Variants in SLC11A2 observed in about 807,000 individuals in gnomAD.
SLC11A2 encodes natural resistance-associated macrophage protein 2.
In SLC11A2, 38 loss-of-function variants were observed where a neutral mutation model predicts 68.0. The ratio of observed to expected loss-of-function variants is 0.56; its 90% CI spans 0.43 to 0.73. The LOEUF (loss-of-function observed/expected upper bound fraction) is 0.73, where lower values mean the gene tolerates loss of function less well. Ranked by LOEUF, SLC11A2 falls within the 30% of genes least tolerant of loss-of-function variation. The probability of loss-of-function intolerance (pLI) is 0.00; values close to 1 mark genes in which losing one functional copy is unlikely to be tolerated. For synonymous variants in SLC11A2, 242 were observed against 250.6 expected (o/e 0.97, Z 0.32); for missense variants, 517 against 690.5 (o/e 0.75, Z 2.82).
chr12:50,998,322 C>A (rs534324659), intron 8 of SLC11A2, among the ~76,000 whole-genome samples: 3 of 152,164 alleles, frequency 2.0e-5, no homozygotes, highest in Non-Finnish European at 4.4e-5. Flanking sequence ...ATCACACCCA[C>A]TGCACTCTAG....
chr12:51,003,977 G>T (rs1478017207), intron 5 of SLC11A2, among the ~76,000 whole-genome samples: 1 of 151,540 alleles, frequency 6.6e-6, no homozygotes, highest in African/African-American at 2.4e-5. Context: ...AAGCTAGAAG[G>T]ATTATAAATT....
At chr12:51,025,897 G>A (rs1944351107) in intron 1 of SLC11A2, 1 of 988,618 alleles carries the variant, frequency 1.0e-6, no homozygotes, top group Non-Finnish European at 1.2e-6. Context: ...CCGGCCCCCT[G>A]CGGCGCCGAC....
upstream of SLC11A2, chr12:51,028,088 T>A (rs540306674): frequency 3.7e-6 from 3 of 818,518 alleles, no homozygotes; most frequent in South Asian, 4.0e-5. Context: ...TTTGGCAACT[T>A]CTATTATAAC....
chr12:50,952,724 G>T, the SLC11A2 span, among the ~76,000 whole-genome samples: 2 of 152,202 alleles, frequency 1.3e-5, no homozygotes, highest in African/African-American at 4.8e-5. Flanking sequence ...AGGTGAGCCC[G>T]GCGGGCTCTC....
In SLC11A2 at chr12:50,987,691, T is replaced by C. The variant is rs921163766; in HGVS notation, c.*634A>G. 1 of 1,287,008 alleles carries C rather than the reference T, an allele frequency of 7.8e-7. No homozygotes were observed. The highest frequency in any genetic ancestry group is 2.3e-5 in the Admixed American group (1 of 43,530). 79.7% of individuals were successfully genotyped at this position (1,287,008 alleles called of 1,614,324 possible). A position where few individuals can be genotyped will look rare whatever the true frequency, so the allele number is the denominator to read the frequency against. On this transcript the variant is annotated 3_prime_UTR_variant, in exon 16 of 16. Coordinates refer to ENST00000262052, the MANE Select transcript of SLC11A2 (RefSeq NM_000617.3). ...AGCGATGTGGTGCTGGTTTTGTTAG[T>C]TGTCAGTTTTTCCCCTTCTTTGTTT...
At chr12:50,979,869 T>C (rs1026598314), downstream of SLC11A2, 17 of 453,954 alleles carry the variant, frequency 3.7e-5, no homozygotes, top group Admixed American at 2.6e-4. Flanking sequence ...AAGGGGAAAG[T>C]GATGCTCAAA....
In SLC11A2 at chr12:50,991,091, C is replaced by T. The variant is rs537999812; in HGVS notation, c.1422-143G>A. On this transcript the variant is annotated intron_variant, in intron 14 of 15. Transcript: ENST00000262052. ...TGAAAAAAAATGATTCTTCATAAGT[C>T]TAAGTTAAATCACCCAAAGTTAGAT... is the stretch of plus-strand genomic sequence containing the variant. The T allele has an allele frequency of 3.9e-5, 31 of 804,168 alleles. 1 individual carries two copies. In the Admixed American group the frequency reaches 5.8e-4, roughly 15 times the overall value. 49.8% of individuals were successfully genotyped at this position (804,168 alleles called of 1,614,324 possible).
intron 1 of SLC11A2, chr12:51,025,994 C>G: frequency 3.9e-6 from 4 of 1,021,062 alleles, no homozygotes; most frequent in Non-Finnish European, 4.7e-6. Context: ...ACAGGCCGGG[C>G]GCGCCATCCG....
chr12:50,971,851 A>G, the SLC11A2 span, among the ~76,000 whole-genome samples: 1 of 152,252 alleles, frequency 6.6e-6, no homozygotes, highest in African/African-American at 2.4e-5. Context: ...ATGTAAGAAT[A>G]TATGAAAATA....
intron 1 of SLC11A2, chr12:51,025,841 T>C (rs1045749268): frequency 5.1e-6 from 5 of 987,702 alleles, no homozygotes; most frequent in African/African-American, 1.7e-5. Flanking sequence ...TAGGTTATAA[T>C]GAGTCTTTTG....
At position 50,986,630 on chromosome 12, in the gene SLC11A2, G is replaced by A. The variant is rs1405398595; in HGVS notation, c.*1695C>T. Reference sequence around the variant, plus strand: ...CTGCAGCCAGGTGAGAGCTTAAGATGTCAGTCCCCAATATCTTCACAGAGT... The same window carrying A: ...CTGCAGCCAGGTGAGAGCTTAAGATATCAGTCCCCAATATCTTCACAGAGT... On this transcript the variant is annotated 3_prime_UTR_variant, in exon 16 of 16. Transcript: ENST00000262052. 2 of 1,286,670 alleles carry A rather than the reference G, an allele frequency of 1.6e-6. No homozygotes were observed. The highest frequency in any genetic ancestry group is 5.5e-5 in the East Asian group (1 of 18,026). 79.7% of individuals were successfully genotyped at this position (1,286,670 alleles called of 1,614,324 possible). A position where few individuals can be genotyped will look rare whatever the true frequency, so the allele number is the denominator to read the frequency against.
upstream of SLC11A2, among the ~76,000 whole-genome samples, chr12:51,026,705 A>G (rs1055915139): frequency 1.3e-5 from 2 of 152,154 alleles, no homozygotes; most frequent in Non-Finnish European, 2.9e-5. Flanking sequence ...AGGTACTGAC[A>G]ATCAAGCTAC....
chr12:50,986,329 T>C lies in SLC11A2; in HGVS notation c.*1996A>G, dbSNP rs1267314890. The C allele has an allele frequency of 7.8e-7, 1 of 1,285,846 alleles. No individual in the cohort carries two copies. The highest frequency in any genetic ancestry group is 1.0e-6 in the Non-Finnish European group (1 of 987,374). The allele number at this position is 1,285,846 out of a possible 1,614,324, so 79.7% of individuals were successfully genotyped here. A position where few individuals can be genotyped will look rare whatever the true frequency, so the allele number is the denominator to read the frequency against. On this transcript the variant is annotated 3_prime_UTR_variant, in exon 16 of 16. Transcript: ENST00000262052. ...ACCCAGAGTACTGGTTAAAATGCAC[T>C]TTCTGTGAAGATCAAATGCAATAAC...
upstream of SLC11A2, chr12:51,028,131 A>G (rs1239666767): frequency 2.3e-6 from 3 of 1,292,620 alleles, no homozygotes; most frequent in Admixed American, 4.3e-5. Flanking sequence ...TGTACTTGTC[A>G]CCCTTTCAGG....
In SLC11A2 at chr12:50,987,153, T is replaced by G. The variant is rs1415297199; in HGVS notation, c.*1172A>C. ...TTCCTCTGACTCCAGAGCTCCACCA[T>G]CTGGTCTCAAGATTTTTCCCTCTGA... On this transcript the variant is annotated 3_prime_UTR_variant, in exon 16 of 16. Transcript: ENST00000262052. The G allele has an allele frequency of 3.9e-6, 5 of 1,283,122 alleles. No homozygotes were observed. The South Asian group carries it at 5.0e-5, about 13-fold the overall frequency. The allele number at this position is 1,283,122 out of a possible 1,614,324, so 79.5% of individuals were successfully genotyped here.
At chr12:50,956,465 T>C in the SLC11A2 span, among the ~76,000 whole-genome samples, 7 of 152,358 alleles carry the variant, frequency 4.6e-5, no homozygotes, top group African/African-American at 1.7e-4. Flanking sequence ...CTACTATGTA[T>C]TTTCCTGCTA....
rs532555166 is a variant in SLC11A2, at chr12:50,990,094, A to G, written c.1575+701T>C. Among the ~76,000 whole-genome samples, 206 of 152,350 alleles carry G rather than the reference A, an allele frequency of 1.4e-3. 1 individual carries two copies. Among genetic ancestry groups the G allele is most frequent in the African/African-American group, 4.8e-3 (199 of 41,580 alleles). Reference sequence around the variant, plus strand: ...TTTTATATAATTCTAGACTTCTTAAAAAATTTTTTATAATTGAAATATAAA... The same window carrying G: ...TTTTATATAATTCTAGACTTCTTAAGAAATTTTTTATAATTGAAATATAAA... On this transcript the variant is annotated intron_variant, in intron 15 of 15. Coordinates refer to ENST00000262052, the MANE Select transcript of SLC11A2 (RefSeq NM_000617.3).
At chr12:50,996,126 A>G (rs192148372) in intron 9 of SLC11A2, among the ~76,000 whole-genome samples, 76 of 152,342 alleles carry the variant, frequency 5.0e-4, no homozygotes, top group Non-Finnish European at 8.5e-4. Flanking sequence ...GCATATACCT[A>G]TTTATAAAGG....
At chr12:50,963,369 C>CAAAAA in the SLC11A2 span, among the ~76,000 whole-genome samples, 729 of 71,152 alleles carry the variant, frequency 0.01, no homozygotes, top group Non-Finnish European at 0.014. Flanking sequence ...GACTCCATCT[C>CAAAAA]AAAAAAAAAA....
Sources: gnomAD v4.1 joint callset for allele counts (sites outside exome capture counted in the v4.1 genomes callset) on GRCh38, gnomAD v4.1.1 for gene constraint, MANE v1.5 for transcripts, NCBI Gene and HGNC (gene_info 2026-07-23, HGNC 2026-07-21) for gene names.